The following TMEM200A variants were observed in gnomAD, a reference collection of about 807,000 sequenced individuals.
TMEM200A encodes the protein two transmembrane C.
A neutral mutation model predicts 24.3 loss-of-function variants in TMEM200A; 12 were observed. That is an observed-to-expected ratio of 0.49 (90% CI 0.32 to 0.80). TMEM200A has a LOEUF of 0.80. Ranked by LOEUF, TMEM200A falls within the 30% of genes least tolerant of loss-of-function variation. The pLI, the probability that TMEM200A is intolerant of heterozygous loss-of-function variation, is 0.04. For missense variants in TMEM200A, 545 were observed against 614.4 expected (o/e 0.89, Z 1.19); for synonymous variants, 224 against 224.4 (o/e 1.00, Z 0.02).
At chr6:130,411,901 T>A (rs1779338337) in intron 2 of TMEM200A, among the ~76,000 whole-genome samples, 1 of 152,198 alleles carries the variant, frequency 6.6e-6, no homozygotes, top group African/African-American at 2.4e-5. Context: ...ACATCAAATG[T>A]ATGTAAATAT....
chr6:130,434,606 A>G lies in TMEM200A; in HGVS notation c.-16-5801A>G, dbSNP rs181717240. 9.8e-5 allele frequency among the ~76,000 whole-genome samples: 15 copies of G among 152,314 alleles called. No individual in the cohort carries two copies. In the East Asian group the frequency reaches 2.7e-3, roughly 27 times the overall value. ...TACCAGAATGTGCTTAAGCTTGTAA[A>G]AAGGGTAAAGGACAGCAATAAGGCT... On this transcript the variant is annotated intron_variant, in intron 2 of 2. Transcript: ENST00000296978.
chr6:130,437,978 C>T (rs10456986), intron 2 of TMEM200A: 2 of 151,852 alleles, frequency 1.3e-5, no homozygotes, highest in Non-Finnish European at 2.9e-5. Context: ...TTAAATGAAA[C>T]GTTTTTGCCC....
intron 2 of TMEM200A, among the ~76,000 whole-genome samples, chr6:130,422,718 G>A (rs535887108): frequency 6.6e-6 from 1 of 152,206 alleles, no homozygotes; most frequent in East Asian, 1.9e-4. Context: ...GAACTGTTTT[G>A]TACCAGAAGG....
chr6:130,376,704 A>T lies in TMEM200A; in HGVS notation c.-80-8469A>T, dbSNP rs912146527. On this transcript the variant is annotated intron_variant, in intron 1 of 2. Transcript: ENST00000296978. ...AATTTTAAATTGTATTCAAAATGCT[A>T]AAATTGAAATATTGAAAAATAAAAA... Among the ~76,000 whole-genome samples the T allele has an allele frequency of 6.6e-5, 10 of 152,340 alleles. No individual in the cohort carries two copies. In the East Asian group the frequency reaches 1.9e-3, roughly 29 times the overall value.
intron 2 of TMEM200A, among the ~76,000 whole-genome samples, chr6:130,399,602 A>G (rs150490349): frequency 1.6e-3 from 243 of 148,534 alleles, no homozygotes; most frequent in African/African-American, 4.9e-3. Flanking sequence ...TTTTCATAGT[A>G]TACTATTTTC....
At chr6:130,394,324 T>C (rs1778900284) in intron 2 of TMEM200A, among the ~76,000 whole-genome samples, 1 of 152,194 alleles carries the variant, frequency 6.6e-6, no homozygotes, top group Admixed American at 6.5e-5. Context: ...ACAACTGTCA[T>C]ATTGAAATTC....
chr6:130,399,641 TTTTA>T (rs1289452699), intron 2 of TMEM200A, among the ~76,000 whole-genome samples: 3 of 151,426 alleles, frequency 2.0e-5, no homozygotes, highest in Non-Finnish European at 2.9e-5. Flanking sequence ...TTATTTCTTC[TTTTA>T]TTTATTCCCT....
At chr6:130,420,773 G>A (rs1351001117) in intron 2 of TMEM200A, among the ~76,000 whole-genome samples, 1 of 152,088 alleles carries the variant, frequency 6.6e-6, no homozygotes, top group Non-Finnish European at 1.5e-5. Context: ...CCCATTTAAA[G>A]GAATTCTAGG....
At chr6:130,417,921 G>A (rs764575869) in intron 2 of TMEM200A, among the ~76,000 whole-genome samples, 35 of 152,078 alleles carry the variant, frequency 2.3e-4, no homozygotes, top group Non-Finnish European at 3.7e-4. Context: ...CTCTTAATTT[G>A]CACACATCCA....
intron 2 of TMEM200A, among the ~76,000 whole-genome samples, chr6:130,427,149 G>T (rs139290944): frequency 6.7e-4 from 102 of 152,204 alleles, no homozygotes; most frequent in African/African-American, 2.4e-3. Flanking sequence ...TATGTTCCAG[G>T]CTTCAACATC....
intron 2 of TMEM200A, among the ~76,000 whole-genome samples, chr6:130,401,450 CTTCCTTCCTTCT>C (rs1779083951): frequency 2.3e-5 from 3 of 129,130 alleles, no homozygotes; most frequent in African/African-American, 8.6e-5. Flanking sequence ...TCCTTCCTTC[CTTCCTTCCTTCT>C]TTCTTTTTCT....
rs78070200 is a variant in TMEM200A at position 130,419,634 on chromosome 6, T to C, written c.-16-20773T>C. Among the ~76,000 whole-genome samples, 23 of 152,296 alleles carry C rather than the reference T, an allele frequency of 1.5e-4. No homozygotes were observed. The East Asian group carries it at 4.4e-3, about 29-fold the overall frequency. On this transcript the variant is annotated intron_variant, in intron 2 of 2. Coordinates refer to ENST00000296978, the MANE Select transcript of TMEM200A (RefSeq NM_001258277.2). ...TTCTGATCAATTATTAGTCATGTGATACAAACACATATCAATGTGGCAAAG... is the reference window on the plus strand; with the variant it reads ...TTCTGATCAATTATTAGTCATGTGACACAAACACATATCAATGTGGCAAAG...
chr6:130,440,421 C>A lies in TMEM200A; in HGVS notation c.-2C>A. The A allele has an allele frequency of 1.9e-6, 3 of 1,548,818 alleles. No individual in the cohort carries two copies. The highest frequency in any genetic ancestry group is 1.7e-6 in the Non-Finnish European group (2 of 1,150,550). The stretch of plus-strand genomic sequence containing the variant: ...TTCTTCTTCAGAGTAAAAGGCCAAG[C>A]TATGATAGCAACTGGTGGAGTGATA... On this transcript the variant is annotated 5_prime_UTR_variant, in exon 3 of 3. Transcript: ENST00000296978.
At chr6:130,392,976 A>G (rs1778870051) in intron 2 of TMEM200A, among the ~76,000 whole-genome samples, 1 of 152,218 alleles carries the variant, frequency 6.6e-6, no homozygotes, top group Non-Finnish European at 1.5e-5. Context: ...TTTAATAACT[A>G]TTTGTAGTTC....
chr6:130,441,758 C>T lies in TMEM200A; in HGVS notation c.1336C>T (p.Pro446Ser), dbSNP rs199903912. 75 of 1,613,906 alleles carry T rather than the reference C, an allele frequency of 4.6e-5. No individual in the cohort carries two copies. The highest frequency in any genetic ancestry group is 6.2e-5 in the Non-Finnish European group (73 of 1,179,982). ...AGACCCGATGGATAGGTTGCTTGTG[C>T]CCCAAGTTGCCATCAAAAAGGACTT... ...KEDPMDRLLV[P>S]QVAIKKDFTN... Residue 446 changes from proline (P) to serine (S), a missense_variant, in exon 3 of 3, where the codon CCC becomes TCC. Pro to Ser is a moderately conservative substitution (Grantham distance 74). Coordinates refer to ENST00000296978, the MANE Select transcript of TMEM200A (RefSeq NM_001258277.2).
Position 130,366,829 on chromosome 6 carries a change from C to T in TMEM200A, c.-81+305C>T, listed in dbSNP as rs1007455626. On this transcript the variant is annotated intron_variant, in intron 1 of 2. Coordinates refer to ENST00000296978, the MANE Select transcript of TMEM200A (RefSeq NM_001258277.2). This position sits in a 1 kb window ranked among gnomAD's most constrained non-coding sequence, Gnocchi z 4.4. ...CTTTGTCTCGGTTCCTGAGAGTCAG[C>T]ATTCTCTGTAATGTCCACAGCGTTA... Among the ~76,000 whole-genome samples, 84 of 152,224 alleles carry T rather than the reference C, an allele frequency of 5.5e-4. No individual in the cohort carries two copies. Among genetic ancestry groups the T allele is most frequent in the African/African-American group, 2.0e-3 (82 of 41,464 alleles).
intron 1 of TMEM200A, among the ~76,000 whole-genome samples, chr6:130,374,666 C>T (rs1778406508): frequency 6.6e-6 from 1 of 152,032 alleles, no homozygotes; most frequent in Non-Finnish European, 1.5e-5. Flanking sequence ...TCAGGTAATC[C>T]ACCCACCTCA....
chr6:130,382,947 G>A (rs1778635147), intron 1 of TMEM200A: 2 of 829,338 alleles, frequency 2.4e-6, no homozygotes, highest in Admixed American at 6.2e-5. Flanking sequence ...GTTCCTCGAG[G>A]CACCTGCTTT....
intron 1 of TMEM200A, among the ~76,000 whole-genome samples, chr6:130,374,673 C>T (rs1316736242): frequency 6.6e-6 from 1 of 152,148 alleles, no homozygotes; most frequent in African/African-American, 2.4e-5. Context: ...ATCCACCCAC[C>T]TCAGCCTCCC....
Sources: gnomAD v4.1 joint callset for allele counts (sites outside exome capture counted in the v4.1 genomes callset) on GRCh38, gnomAD v4.1.1 for gene constraint, Gnocchi (gnomAD v3.1) non-coding constraint, MANE v1.5 for transcripts, NCBI Gene and HGNC (gene_info 2026-07-23, HGNC 2026-07-21) for gene names.